The following SEMA4D variants were observed in gnomAD, a reference collection of about 807,000 sequenced individuals.
SEMA4D encodes semaphorin-4D.
SEMA4D carries 22 observed loss-of-function variants against 74.8 expected under a neutral mutation model. That is an observed-to-expected ratio of 0.29 (90% CI 0.21 to 0.42). SEMA4D has a LOEUF of 0.42. Among genes scored for constraint, SEMA4D ranks in the 10% least tolerant of loss-of-function variants. The pLI, the probability that SEMA4D is intolerant of heterozygous loss-of-function variation, is 1.00. For missense variants in SEMA4D, 937 were observed against 1,118.4 expected (o/e 0.84, Z 2.31); for synonymous variants, 445 against 463.7 (o/e 0.96, Z 0.52).
At chr9:89,370,050 ATGTG>A (rs1007978832) in intron 16 of SEMA4D, among the ~76,000 whole-genome samples, 7 of 143,182 alleles carry the variant, frequency 4.9e-5, no homozygotes, top group African/African-American at 1.9e-4. Flanking sequence ...TGTGTGGTGC[ATGTG>A]TGAGTGGTTG....
At chr9:89,472,517 A>C (rs1860632251) in intron 1 of SEMA4D, 1 of 280,848 alleles carries the variant, frequency 3.6e-6, no homozygotes, top group South Asian at 3.9e-5. Context: ...GAGTGGAGTT[A>C]ACAGTCCTAA....
chr9:89,379,356 A>T lies in SEMA4D; in HGVS notation c.1937T>A (p.Val646Glu), dbSNP rs1321489849. The T allele has an allele frequency of 6.2e-7, 1 of 1,614,156 alleles. No individual in the cohort carries two copies. Among genetic ancestry groups the T allele is most frequent in the African/African-American group, 1.3e-5 (1 of 75,046 alleles). ...CACTACGGGCTTTGGAACCACCTTC[A>T]CTTCCAGGACGTGCTTGGCGACCAC... ...FQVVAKHVLE[V>E]KVVPKPVVAP... Residue 646 changes from valine to glutamate, a missense_variant, in exon 16 of 16, where the codon GTG (valine) becomes GAG (glutamate). Transcript: ENST00000422704.
At chr9:89,389,155 T>G in intron 9 of SEMA4D, 108 bp from the exon 10 acceptor site, 2 of 1,152,976 alleles carry the variant, frequency 1.7e-6, no homozygotes, top group Non-Finnish European at 2.5e-6. Flanking sequence ...CGGCTGTGCC[T>G]GACTGAAACA....
intron 1 of SEMA4D, among the ~76,000 whole-genome samples, chr9:89,479,306 G>A (rs534400539): frequency 1.3e-5 from 2 of 152,342 alleles, no homozygotes; most frequent in Admixed American, 6.5e-5. Flanking sequence ...GCATCTCAGT[G>A]GCAGCAATGG....
intron 1 of SEMA4D, among the ~76,000 whole-genome samples, chr9:89,480,663 GC>G (rs1477929337): frequency 6.6e-6 from 1 of 152,242 alleles, no homozygotes; most frequent in Admixed American, 6.5e-5. Context: ...TGGCCCGGGT[GC>G]TAAGTCCCCC....
intron 5 of SEMA4D, 104 bp downstream of exon 5, chr9:89,399,172 G>A (rs1564624464): frequency 1.1e-5 from 10 of 934,614 alleles, no homozygotes; most frequent in East Asian, 2.4e-5. Context: ...AACAGAGCCT[G>A]GAGAAAAGGC....
chr9:89,466,301 T>C (rs1399986761), intron 1 of SEMA4D, among the ~76,000 whole-genome samples: 1 of 152,196 alleles, frequency 6.6e-6, no homozygotes, highest in African/African-American at 2.4e-5. Flanking sequence ...TGATGCAGAC[T>C]CATTTTCAGA....
intron 4 of SEMA4D, among the ~76,000 whole-genome samples, chr9:89,401,564 T>C (rs1224652560): frequency 6.6e-6 from 1 of 152,208 alleles, no homozygotes; most frequent in Non-Finnish European, 1.5e-5. Flanking sequence ...CTGTTGACCA[T>C]GGATGCGACG....
At chr9:89,425,553 T>C (rs183453700) in intron 2 of SEMA4D, among the ~76,000 whole-genome samples, 100 of 152,276 alleles carry the variant, frequency 6.6e-4, no homozygotes, top group Non-Finnish European at 2.9e-5. Context: ...GGCTCCTCAC[T>C]AACCCTCGTA....
intron 2 of SEMA4D, chr9:89,418,745 C>A (rs998370093): frequency 3.3e-5 from 5 of 151,986 alleles, no homozygotes; most frequent in African/African-American, 1.2e-4. Flanking sequence ...GAATCAGAAT[C>A]GCAAAACCAG....
At chr9:89,441,013 T>C (rs142764495) in intron 2 of SEMA4D, among the ~76,000 whole-genome samples, 1,595 of 152,324 alleles carry the variant, frequency 0.01, 16 homozygotes, top group Middle Eastern at 0.078. Context: ...CTGAAAGTTG[T>C]TTGACCTGCT....
chr9:89,402,417 G>A (rs1842408591), intron 4 of SEMA4D, among the ~76,000 whole-genome samples: 1 of 152,176 alleles, frequency 6.6e-6, no homozygotes, highest in African/African-American at 2.4e-5. Context: ...AAGAGTCGGT[G>A]AAATATGAAC....
intron 13 of SEMA4D, chr9:89,385,879 C>T: frequency 1.4e-6 from 1 of 736,264 alleles, no homozygotes; most frequent in Non-Finnish European, 1.7e-6. Flanking sequence ...CGCCCACCCA[C>T]CCCTGCCAAG....
At chr9:89,387,687 A>AG (rs940710651) in intron 11 of SEMA4D, 79 bp from the exon 12 acceptor site, 62 of 1,261,264 alleles carry the variant, frequency 4.9e-5, no homozygotes, top group South Asian at 7.5e-5. Context: ...CAGCCAACGC[A>AG]GGGGGGGCTG....
intron 2 of SEMA4D, among the ~76,000 whole-genome samples, chr9:89,410,425 C>T (rs192135255): frequency 7.6e-4 from 116 of 152,260 alleles, no homozygotes; most frequent in African/African-American, 2.7e-3. Context: ...GAATTTCAGA[C>T]CAGAGTTGAG....
At chr9:89,374,127 A>G (rs1176614877), downstream of SEMA4D, among the ~76,000 whole-genome samples, 8 of 152,334 alleles carry the variant, frequency 5.3e-5, no homozygotes, top group East Asian at 1.5e-3. Context: ...GATGGGGCCA[A>G]ATGCCTCTGG....
chr9:89,386,690 C>A, intron 12 of SEMA4D: 1 of 494,826 alleles, frequency 2.0e-6, no homozygotes, highest in Non-Finnish European at 3.6e-6. Context: ...ATGGGTTATT[C>A]CAGTTTTTTT....
intron 1 of SEMA4D, among the ~76,000 whole-genome samples, chr9:89,459,036 G>GC (rs1322557666): frequency 1.3e-5 from 2 of 152,194 alleles, no homozygotes; most frequent in Admixed American, 6.5e-5. Flanking sequence ...GGGAGCTGCA[G>GC]CCCAGCATTC....
intron 16 of SEMA4D, among the ~76,000 whole-genome samples, chr9:89,370,477 GTGGT>G (rs1834403470): frequency 6.6e-6 from 1 of 150,546 alleles, no homozygotes; most frequent in African/African-American, 2.5e-5. Flanking sequence ...GTTTGTGTGT[GTGGT>G]GTGTATGAAG....
Sources: gnomAD v4.1 joint callset for allele counts (sites outside exome capture counted in the v4.1 genomes callset) on GRCh38, gnomAD v4.1.1 for gene constraint, MANE v1.5 for transcripts, NCBI Gene and HGNC (gene_info 2026-07-23, HGNC 2026-07-21) for gene names.